The following NBAS variants were observed in gnomAD, a reference collection of about 807,000 sequenced individuals.
NBAS encodes the protein NAG/BC035112 fusion.
Under a neutral mutation model 302.5 loss-of-function variants are expected in NBAS, and 219 were observed. The observed-to-expected ratio is 0.72, with a 90% CI of 0.65 to 0.81. The LOEUF is 0.81. Ranked by LOEUF, NBAS falls within the 30% of genes least tolerant of loss-of-function variation. NBAS has a pLI of 0.00. For missense variants in NBAS, 2,932 were observed against 2,841.6 expected (o/e 1.03, Z -0.72); for synonymous variants, 1,118 against 1,021.6 (o/e 1.09, Z -1.80).
chr2:15,457,665 G>C (rs1160242796), intron 21 of NBAS, among the ~76,000 whole-genome samples: 1 of 152,232 alleles, frequency 6.6e-6, no homozygotes, highest in Admixed American at 6.5e-5. Context: ...ATGCACGTTC[G>C]AGGTGCCCAA....
intron 5 of NBAS, 23 bp from the exon 6 acceptor site, chr2:15,551,559 G>A (rs1240727930): frequency 6.3e-7 from 1 of 1,595,632 alleles, no homozygotes; most frequent in Non-Finnish European, 8.6e-7. Flanking sequence ...CAAAATCAAG[G>A]CAAAAGTTTT....
the NBAS span, among the ~76,000 whole-genome samples, chr2:15,139,648 T>G: frequency 1.3e-5 from 2 of 152,156 alleles, no homozygotes; most frequent in African/African-American, 4.8e-5. Context: ...CATTTATTGG[T>G]CTCATTTATG....
chr2:15,175,682 T>C (rs1384585051), intron 51 of NBAS, among the ~76,000 whole-genome samples: 1 of 152,182 alleles, frequency 6.6e-6, no homozygotes, highest in South Asian at 2.1e-4. Flanking sequence ...GGACTTTCCA[T>C]TTCTGGCCCA....
At chr2:14,960,977 C>T in the NBAS span, among the ~76,000 whole-genome samples, 1 of 152,072 alleles carries the variant, frequency 6.6e-6, no homozygotes, top group African/African-American at 2.4e-5. Context: ...CAGCAGCAGA[C>T]TTAAGGAAGG....
chr2:15,257,292 TC>T (rs1668643701), intron 44 of NBAS, among the ~76,000 whole-genome samples: 1 of 152,202 alleles, frequency 6.6e-6, no homozygotes, highest in Non-Finnish European at 1.5e-5. Flanking sequence ...CAGGAATTTA[TC>T]CACCTCCTCT....
At chr2:15,556,886 T>C (rs1017152652) in intron 2 of NBAS, 67 bp from the exon 3 acceptor site, 1 of 1,297,684 alleles carries the variant, frequency 7.7e-7, no homozygotes, top group Non-Finnish European at 1.1e-6. Context: ...CAAATTAGAT[T>C]TATAGATGAG....
intron 12 of NBAS, chr2:15,483,468 G>C (rs1680510721): frequency 4.0e-6 from 1 of 252,368 alleles, no homozygotes; most frequent in Admixed American, 4.9e-5. Context: ...AATAAAACTT[G>C]AGAGAAAAAT....
At chr2:14,815,574 G>C in the NBAS span, among the ~76,000 whole-genome samples, 1 of 152,108 alleles carries the variant, frequency 6.6e-6, no homozygotes, top group African/African-American at 2.4e-5. Context: ...TTCTCTCTCT[G>C]TTTATTTGTC....
the NBAS span, among the ~76,000 whole-genome samples, chr2:14,796,716 A>G: frequency 6.6e-6 from 1 of 152,014 alleles, no homozygotes; most frequent in South Asian, 2.1e-4. Flanking sequence ...GATGAAGTCC[A>G]CAACCTGAGT....
chr2:15,304,539 G>A (rs1670944762), intron 40 of NBAS, among the ~76,000 whole-genome samples: 1 of 152,232 alleles, frequency 6.6e-6, no homozygotes, highest in African/African-American at 2.4e-5. Flanking sequence ...GGAGGGCTCA[G>A]AAGAAGACAG....
intron 2 of NBAS, among the ~76,000 whole-genome samples, chr2:15,558,022 C>T (rs1664725123): frequency 6.6e-6 from 1 of 152,182 alleles, no homozygotes; most frequent in Non-Finnish European, 1.5e-5. Context: ...CTTCAACATC[C>T]ACTGACTTTC....
chr2:15,017,865 C>T, the NBAS span, among the ~76,000 whole-genome samples: 1 of 151,966 alleles, frequency 6.6e-6, no homozygotes, highest in South Asian at 2.1e-4. Context: ...TATGGCAGCA[C>T]TATTCATAAG....
intron 12 of NBAS, among the ~76,000 whole-genome samples, chr2:15,486,834 T>C (rs987806386): frequency 4.7e-5 from 7 of 150,138 alleles, no homozygotes; most frequent in African/African-American, 1.7e-4. Flanking sequence ...TGGCAACTAA[T>C]GACCAAAAAA....
At chr2:15,147,210 G>A in the NBAS span, among the ~76,000 whole-genome samples, 1 of 152,248 alleles carries the variant, frequency 6.6e-6, no homozygotes, top group Non-Finnish European at 1.5e-5. Flanking sequence ...TAGGAATGGA[G>A]GCTGGTGCAG....
At chr2:15,219,394 G>A (rs1010101863) in intron 47 of NBAS, among the ~76,000 whole-genome samples, 4 of 143,400 alleles carry the variant, frequency 2.8e-5, no homozygotes, top group Admixed American at 7.2e-5. Context: ...CAGGGTCATA[G>A]GACAACAGTG....
At chr2:14,881,414 T>C in the NBAS span, among the ~76,000 whole-genome samples, 1 of 152,180 alleles carries the variant, frequency 6.6e-6, no homozygotes, top group Admixed American at 6.5e-5. Context: ...TTGGGAGCTA[T>C]GTTCATTATT....
chr2:15,464,578 A>G (rs1679642480), intron 19 of NBAS, among the ~76,000 whole-genome samples: 2 of 152,120 alleles, frequency 1.3e-5, no homozygotes, highest in Admixed American at 1.3e-4. Flanking sequence ...TCCCATTAAT[A>G]TAAAAACAAT....
At chr2:15,243,485 C>T (rs1365285100) in intron 44 of NBAS, among the ~76,000 whole-genome samples, 1 of 151,528 alleles carries the variant, frequency 6.6e-6, no homozygotes, top group African/African-American at 2.4e-5. Flanking sequence ...GACTATCTAC[C>T]GAAAGCCTCT....
chr2:15,278,041 T>C (rs1490024713), intron 42 of NBAS, among the ~76,000 whole-genome samples: 3 of 152,166 alleles, frequency 2.0e-5, no homozygotes, highest in African/African-American at 7.2e-5. Context: ...AAGTGAGACC[T>C]TGGGCAGCAA....
Sources: gnomAD v4.1 joint callset for allele counts (sites outside exome capture counted in the v4.1 genomes callset) on GRCh38, gnomAD v4.1.1 for gene constraint, MANE v1.5 for transcripts, NCBI Gene and HGNC (gene_info 2026-07-23, HGNC 2026-07-21) for gene names.